TMC5: variants seen among roughly 807,000 people sequenced by gnomAD.
TMC5 encodes transmembrane channel like 5, also known as transmembrane channel-like protein 5.
Under a neutral mutation model 110.5 loss-of-function variants are expected in TMC5, and 86 were observed. That is an observed-to-expected ratio of 0.78 (90% confidence interval 0.65 to 0.93). The LOEUF is 0.93. Among genes scored for constraint, TMC5 ranks in the 40% least tolerant of loss-of-function variants. TMC5 has a pLI of 0.00. For missense variants in TMC5, 1,144 were observed against 1,222.8 expected, an observed-to-expected ratio of 0.94 and a Z score of 0.96; for synonymous variants, 455 against 439.5, an observed-to-expected ratio of 1.04 and a Z score of -0.44.
At chr16:19,462,555 C>T (rs1277064211) in intron 6 of TMC5, 1 of 701,838 alleles carries the variant, frequency 1.4e-6, no homozygotes, top group Non-Finnish European at 2.6e-6. Flanking sequence ...AAAGGCACAT[C>T]TTACGTGGTG....
intron 5 of TMC5, among the ~76,000 whole-genome samples, chr16:19,452,569 T>A (rs1197292112): frequency 6.6e-6 from 1 of 152,022 alleles, no homozygotes; most frequent in Non-Finnish European, 1.5e-5. Flanking sequence ...ATACAAAAAT[T>A]AGCCGGGCAT....
At chr16:19,427,798 A>G (rs914594249) in intron 1 of TMC5, among the ~76,000 whole-genome samples, 1 of 152,044 alleles carries the variant, frequency 6.6e-6, no homozygotes, top group Non-Finnish European at 1.5e-5. Flanking sequence ...ATGTGCTCTC[A>G]GAGGCAAAGT....
chr16:19,449,744 C>A, intron 5 of TMC5, 113 bp downstream of exon 5: 1 of 901,768 alleles, frequency 1.1e-6, no homozygotes, highest in Non-Finnish European at 1.8e-6. Flanking sequence ...GGGGTGGTTT[C>A]CCCCATGCTG....
intron 1 of TMC5, among the ~76,000 whole-genome samples, chr16:19,427,212 G>A (rs1967103687): frequency 6.6e-6 from 1 of 152,208 alleles, no homozygotes; most frequent in East Asian, 1.9e-4. Flanking sequence ...CCAGCACTTT[G>A]GGAGGCCAAG....
chr16:19,414,550 G>A (rs184988400), upstream of TMC5, among the ~76,000 whole-genome samples: 57 of 152,182 alleles, frequency 3.7e-4, no homozygotes, highest in Admixed American at 3.1e-3. Flanking sequence ...CATACTGTGT[G>A]CAATTCACAG....
rs375812914 is a variant in TMC5 at position 19,444,187 on chromosome 16, G to C, written c.895G>C (p.Ala299Pro). ...ENDYPEGIEM[A>P]SMEMANSYGH... ...TGATTACCCTGAAGGCATTGAAATG[G>C]CATCCATGGAGATGGCAAACTCATA... Residue 299 changes from alanine (A) to proline (P), a missense_variant, in exon 4 of 22, where the codon GCA (alanine) becomes CCA (proline). By Grantham distance (27) the Ala-to-Pro change is conservative. Coordinates refer to ENST00000542583, the MANE Select transcript of TMC5 (RefSeq NM_001261841.2). The C allele has an allele frequency of 1.1e-5, 17 of 1,613,878 alleles. No homozygotes were observed. Among genetic ancestry groups the C allele is most frequent in the Non-Finnish European group, 1.4e-5 (17 of 1,179,994 alleles).
upstream of TMC5, among the ~76,000 whole-genome samples, chr16:19,416,125 C>T (rs954267043): frequency 2.1e-4 from 32 of 150,928 alleles, no homozygotes; most frequent in Admixed American, 1.1e-3. Context: ...TCAGAGGCTG[C>T]AGTGAGCTAT....
intron 1 of TMC5, among the ~76,000 whole-genome samples, chr16:19,419,639 C>T (rs933188734): frequency 6.6e-6 from 1 of 151,772 alleles, no homozygotes; most frequent in African/African-American, 2.4e-5. Context: ...GTCTGAATCT[C>T]CTGACCTCGT....
intron 8 of TMC5, 40 bp downstream of exon 8, chr16:19,464,064 C>T (rs1467667179): frequency 1.3e-5 from 20 of 1,597,456 alleles, no homozygotes; most frequent in African/African-American, 2.7e-5. Context: ...GCACCAATCA[C>T]CTCGGAAACC....
At chr16:19,493,466 T>TCTTTCTCTCTCTCTCTC (rs563230178) in intron 19 of TMC5, among the ~76,000 whole-genome samples, 2 of 124,496 alleles carry the variant, frequency 1.6e-5, no homozygotes, top group Non-Finnish European at 3.2e-5. Context: ...TCTCTCTCTC[T>TCTTTCTCTCTCTCTCTC]TTTTTTTTTT....
chr16:19,439,075 T>G (rs540485542), intron 2 of TMC5, among the ~76,000 whole-genome samples: 1 of 152,352 alleles, frequency 6.6e-6, no homozygotes, highest in South Asian at 2.1e-4. Context: ...TTGGCCAAAA[T>G]TCAGTGATTG....
At chr16:19,412,447 C>T (rs1966858007) in intron 1 of TMC5, among the ~76,000 whole-genome samples, 3 of 151,934 alleles carry the variant, frequency 2.0e-5, no homozygotes, top group South Asian at 2.1e-4. Flanking sequence ...CTCACTGCAA[C>T]CGCTGTCTCC....
At chr16:19,419,415 T>G (rs1428820810) in intron 1 of TMC5, among the ~76,000 whole-genome samples, 1 of 131,788 alleles carries the variant, frequency 7.6e-6, no homozygotes, top group Non-Finnish European at 1.6e-5. Flanking sequence ...TTTTTTTTTT[T>G]TTTTTTTTTT....
chr16:19,463,901 A>G lies in TMC5; in HGVS notation c.1362A>G (p.Arg454=), dbSNP rs777325830. 3.7e-6 allele frequency: 6 copies of G among 1,614,056 alleles called. No homozygotes were observed. In the South Asian group the frequency reaches 6.6e-5, roughly 18 times the overall value. The part of the protein sequence containing the change: ...TSVLSYFNFL[R]WLLKFNIFSF... ...TCCTCTCCTATTTCAACTTTCTGAGATGGCTTTTGAAGTTCAACATTTTCT... is the reference window on the plus strand; with the variant it reads ...TCCTCTCCTATTTCAACTTTCTGAGGTGGCTTTTGAAGTTCAACATTTTCT... Residue 454 remains arginine, a synonymous_variant, in exon 8 of 22, where the codon AGA becomes AGG. Coordinates refer to ENST00000542583, the MANE Select transcript of TMC5 (RefSeq NM_001261841.2).
chr16:19,492,041 G>A (rs1459696310), intron 18 of TMC5, 109 bp from the exon 19 acceptor site: 1 of 833,488 alleles, frequency 1.2e-6, no homozygotes, highest in Non-Finnish European at 2.0e-6. Context: ...AAACATGTTT[G>A]GGCCAAATCC....
Position 19,436,511 on chromosome 16 carries a change from C to T in TMC5, c.-79-3449C>T, listed in dbSNP as rs184285739. Among the ~76,000 whole-genome samples the T allele has an allele frequency of 4.6e-4, 70 of 152,188 alleles. 1 individual carries two copies. In the East Asian group the frequency reaches 0.011, roughly 23 times the overall value. On this transcript the variant is annotated intron_variant, in intron 2 of 21. Coordinates refer to ENST00000542583, the MANE Select transcript of TMC5 (RefSeq NM_001261841.2). The stretch of plus-strand genomic sequence containing the variant: ...GTCTTAGAATACAAGTAAACAAATG[C>T]GATAATTTTTCTTGTTAGGAAAAGT...
intron 2 of TMC5, among the ~76,000 whole-genome samples, chr16:19,433,450 C>T (rs1490793292): frequency 6.6e-6 from 1 of 152,212 alleles, no homozygotes; most frequent in Non-Finnish European, 1.5e-5. Flanking sequence ...CTGGAGGGGA[C>T]TCCAGAGTCT....
intron 9 of TMC5, among the ~76,000 whole-genome samples, chr16:19,466,477 G>A (rs1178555953): frequency 2.0e-5 from 3 of 151,990 alleles, no homozygotes; most frequent in Non-Finnish European, 2.9e-5. Flanking sequence ...TCAGCCTCCC[G>A]AGTAGCTAGG....
intron 11 of TMC5, among the ~76,000 whole-genome samples, chr16:19,472,804 C>T (rs1046643706): frequency 2.6e-5 from 4 of 152,202 alleles, no homozygotes; most frequent in Non-Finnish European, 5.9e-5. Flanking sequence ...CCAGGTTACC[C>T]TGGCTCCAAA....
Sources: allele counts gnomAD v4.1 joint callset (sites outside exome capture counted in the v4.1 genomes callset), GRCh38; gene constraint gnomAD v4.1.1; transcripts MANE v1.5; gene names NCBI Gene and HGNC (gene_info 2026-07-23, HGNC 2026-07-21).